VAV2: variants seen among roughly 807,000 people sequenced by gnomAD.
VAV2 encodes vav guanine nucleotide exchange factor 2, also known as guanine nucleotide exchange factor VAV2.
VAV2 carries 67 observed loss-of-function variants against 132.5 expected under a neutral mutation model. That is an observed-to-expected ratio of 0.51 (90% CI 0.42 to 0.62). VAV2 has a LOEUF of 0.62. Ranked by LOEUF, VAV2 falls within the 20% of genes least tolerant of loss-of-function variation. The probability of loss-of-function intolerance (pLI) is 0.00; values close to 1 mark genes in which losing one functional copy is unlikely to be tolerated. For missense variants in VAV2, 938 were observed against 1,153.6 expected (o/e 0.81, Z 2.71); for synonymous variants, 492 against 443.5 (o/e 1.11, Z -1.37).
intron 2 of VAV2, among the ~76,000 whole-genome samples, chr9:133,868,998 C>CTTT (rs112644029): frequency 0.036 from 5,175 of 142,310 alleles, 299 homozygotes; most frequent in African/African-American, 0.13. Context: ...TCTATTTATT[C>CTTT]TTTTTTTTTT....
Position 133,780,677 on chromosome 9 carries a change from A to G in VAV2, c.1740+17T>C. ...CGGGGGTGGGGCAGAGGGAGGGGAA[A>G]CACTCTGGGGACTTACCAGATCTGC... On this transcript the variant is annotated intron_variant, in intron 20 of 29. Transcript: ENST00000371850. 7.8e-7 allele frequency: 1 copy of G among 1,287,608 alleles called. No individual in the cohort carries two copies. The highest frequency in any genetic ancestry group is 2.9e-5 in the South Asian group (1 of 34,434). 79.8% of individuals were successfully genotyped at this position (1,287,608 alleles called of 1,614,324 possible).
Position 133,823,732 on chromosome 9 carries a change from G to A in VAV2, c.449+10540C>T, listed in dbSNP as rs1224036161. On this transcript the variant is annotated intron_variant, in intron 4 of 29. Transcript: ENST00000371850. The surrounding 1 kb of genome is among the most constrained non-coding windows in gnomAD (Gnocchi z 5.5). ...GTCTTTAAAGCTGCCCTTCTGCGCC[G>A]GTCCCCTCCCTCTGCAGAGACTGCA... Among the ~76,000 whole-genome samples the A allele has an allele frequency of 2.0e-5, 3 of 152,172 alleles. No homozygotes were observed. The highest frequency in any genetic ancestry group is 4.4e-5 in the Non-Finnish European group (3 of 68,044).
chr9:133,983,480 CGCCCTGAGGCCAGG>C (rs1323231129), intron 1 of VAV2, among the ~76,000 whole-genome samples: 1 of 152,162 alleles, frequency 6.6e-6, no homozygotes, highest in Non-Finnish European at 1.5e-5. Context: ...ATGAGTCCAC[CGCCCTGAGGCCAGG>C]GCCCCGACCC....
chr9:133,774,735 A>T (rs1408966802), intron 25 of VAV2, among the ~76,000 whole-genome samples, 200 bp downstream of exon 25: 1 of 152,184 alleles, frequency 6.6e-6, no homozygotes, highest in Non-Finnish European at 1.5e-5. Flanking sequence ...TGTGCATGCC[A>T]GGGGTTCAGG....
chr9:133,971,946 A>G (rs1842349261), intron 1 of VAV2, among the ~76,000 whole-genome samples: 1 of 152,120 alleles, frequency 6.6e-6, no homozygotes, highest in Admixed American at 6.5e-5. Flanking sequence ...GGCAGAAAAC[A>G]ACCTCAAGGA....
intron 2 of VAV2, among the ~76,000 whole-genome samples, chr9:133,891,978 GGA>G (rs1294608533): frequency 9.3e-5 from 13 of 139,504 alleles, no homozygotes; most frequent in African/African-American, 3.5e-4. Flanking sequence ...GGGGAGAGGT[GGA>G]GAGAGAGGGA....
intron 2 of VAV2, among the ~76,000 whole-genome samples, chr9:133,867,641 A>G (rs147572771): frequency 9.2e-4 from 140 of 152,348 alleles, no homozygotes; most frequent in African/African-American, 2.8e-3. Flanking sequence ...GCAGCAGCCA[A>G]TGGCTTTCAG....
chr9:133,784,037 C>A (rs375240516), intron 18 of VAV2, among the ~76,000 whole-genome samples: 1 of 152,154 alleles, frequency 6.6e-6, no homozygotes, highest in African/African-American at 2.4e-5. Context: ...CAGGCCAACA[C>A]GCCTGGCTGA....
At chr9:133,946,279 C>T (rs960478749) in intron 1 of VAV2, among the ~76,000 whole-genome samples, 10 of 152,250 alleles carry the variant, frequency 6.6e-5, no homozygotes, top group African/African-American at 2.2e-4. Flanking sequence ...TGGGGCCTGG[C>T]CTCAGGCTCT....
chr9:133,766,786 A>ATATATC (rs1491231645), intron 29 of VAV2, among the ~76,000 whole-genome samples: 5 of 144,008 alleles, frequency 3.5e-5, no homozygotes, highest in Non-Finnish European at 6.1e-5. Context: ...ATATATATAT[A>ATATATC]TCCCAAAAAC....
At chr9:133,861,522 A>G in intron 2 of VAV2, 90 bp from the exon 3 acceptor site, 11 of 1,444,916 alleles carry the variant, frequency 7.6e-6, no homozygotes, top group Non-Finnish European at 1.0e-5. Flanking sequence ...CAGGACGTCG[A>G]GAACTGTTAA....
At chr9:133,986,480 G>A (rs1015810887) in intron 1 of VAV2, among the ~76,000 whole-genome samples, 2 of 152,316 alleles carry the variant, frequency 1.3e-5, no homozygotes, top group East Asian at 1.9e-4. Flanking sequence ...AGAAGTGGAC[G>A]GGTCACGGAT....
intron 1 of VAV2, among the ~76,000 whole-genome samples, chr9:133,972,624 C>G (rs1439938016): frequency 6.6e-6 from 1 of 152,218 alleles, no homozygotes; most frequent in Admixed American, 6.5e-5. Context: ...GCATGGAGCA[C>G]AGACAGTCAG....
intron 3 of VAV2, among the ~76,000 whole-genome samples, chr9:133,839,669 T>G (rs1169644620): frequency 1.3e-5 from 2 of 152,086 alleles, no homozygotes; most frequent in Non-Finnish European, 2.9e-5. Context: ...CATGCTGGTC[T>G]CAAACTCCTG....
chr9:133,961,062 G>T lies in VAV2; in HGVS notation c.205-21843C>A, dbSNP rs778385285. Among the ~76,000 whole-genome samples, 12 of 152,228 alleles carry T rather than the reference G, an allele frequency of 7.9e-5. No individual in the cohort carries two copies. The highest frequency in any genetic ancestry group is 1.8e-4 in the Non-Finnish European group (12 of 68,032). On this transcript the variant is annotated intron_variant, in intron 1 of 29. Transcript: ENST00000371850. This position sits in a 1 kb window ranked among gnomAD's most constrained non-coding sequence, Gnocchi z 4.1. ...GGTGAGGGAGCAGGGGCCTCCACTGGCCCACACCCGGCACACATCACGGGC... is the reference window on the plus strand; with the variant it reads ...GGTGAGGGAGCAGGGGCCTCCACTGTCCCACACCCGGCACACATCACGGGC...
At position 133,845,294 on chromosome 9, in the gene VAV2, G is replaced by T. The variant is rs75336468; in HGVS notation, c.381-10954C>A. Among the ~76,000 whole-genome samples, 8 of 152,348 alleles carry T rather than the reference G, an allele frequency of 5.3e-5. No homozygotes were observed. In the East Asian group the frequency reaches 1.5e-3, roughly 29 times the overall value. ...GGGGCTCTGGTCTGAGACCCAGGAG[G>T]AACAGCCCGCATGGCACGCCCAAGG... On this transcript the variant is annotated intron_variant, in intron 3 of 29. Coordinates refer to ENST00000371850, the MANE Select transcript of VAV2 (RefSeq NM_001134398.2).
chr9:133,949,332 T>C (rs1841478156), intron 1 of VAV2, among the ~76,000 whole-genome samples: 1 of 152,176 alleles, frequency 6.6e-6, no homozygotes, highest in Non-Finnish European at 1.5e-5. Flanking sequence ...CAAGGTCTCC[T>C]GGCCACTCCC....
In VAV2 at chr9:133,879,471, G is replaced by A. The variant is rs546799821; in HGVS notation, c.322-18039C>T. Among the ~76,000 whole-genome samples, 2 of 152,260 alleles carry A rather than the reference G, an allele frequency of 1.3e-5. No homozygotes were observed. Among genetic ancestry groups the A allele is most frequent in the African/African-American group, 2.4e-5 (1 of 41,546 alleles). ...ACCTTGAGGCCTGCAGGATGGACAA[G>A]TGTGTGTCAGAGGCTCACCATAAAT... On this transcript the variant is annotated intron_variant, in intron 2 of 29. Coordinates refer to ENST00000371850, the MANE Select transcript of VAV2 (RefSeq NM_001134398.2). This position sits in a 1 kb window ranked among gnomAD's most constrained non-coding sequence, Gnocchi z 4.4.
At position 133,769,806 on chromosome 9, in the gene VAV2, C is replaced by T. The variant is rs997591210; in HGVS notation, c.2348-303G>A. ...CATAGCAGGTGCTCACTAAGGCCAG[C>T]TGTTCCTCTCCTGTCCAGCTCGGCC... On this transcript the variant is annotated intron_variant, in intron 27 of 29. Coordinates refer to ENST00000371850, the MANE Select transcript of VAV2 (RefSeq NM_001134398.2). The surrounding 1 kb of genome is among the most constrained non-coding windows in gnomAD (Gnocchi z 8.1). 6.6e-6 allele frequency among the ~76,000 whole-genome samples: 1 copy of T among 152,230 alleles called. No individual in the cohort carries two copies. Among genetic ancestry groups the T allele is most frequent in the Non-Finnish European group, 1.5e-5 (1 of 68,036 alleles).
Sources: gnomAD v4.1 joint callset for allele counts (sites outside exome capture counted in the v4.1 genomes callset) on GRCh38, gnomAD v4.1.1 for gene constraint, Gnocchi (gnomAD v3.1) non-coding constraint, MANE v1.5 for transcripts, NCBI Gene and HGNC (gene_info 2026-07-23, HGNC 2026-07-21) for gene names.